The following RSU1 variants were observed in gnomAD, a reference collection of about 807,000 sequenced individuals.
The protein encoded by RSU1 is Ras suppressor protein 1.
Under a neutral mutation model 31.1 loss-of-function variants are expected in RSU1, and 26 were observed. The ratio of observed to expected loss-of-function variants is 0.84; its 90% CI spans 0.61 to 1.16. The LOEUF (loss-of-function observed/expected upper bound fraction) is 1.16, where lower values mean the gene tolerates loss of function less well. Among genes scored for constraint, RSU1 ranks in the 50% most tolerant of loss-of-function variants. RSU1 has a pLI of 0.00. For synonymous variants in RSU1, 164 were observed against 136.3 expected (o/e 1.20, Z -1.41); for missense variants, 320 against 339.1 (o/e 0.94, Z 0.44).
rs993246255 is a variant in RSU1, at chr10:16,779,200, T to A, written c.160+2834A>T. Among the ~76,000 whole-genome samples, 3 of 152,222 alleles carry A rather than the reference T, an allele frequency of 2.0e-5. No homozygotes were observed. The East Asian group carries it at 5.8e-4, about 29-fold the overall frequency. On this transcript the variant is annotated intron_variant, in intron 3 of 8. Coordinates refer to ENST00000345264, the MANE Select transcript of RSU1 (RefSeq NM_012425.4). ...GCTGCCCCAAGCTCCCAGGTTTAAA[T>A]TCAAATAGGGGCACCATAATAGTCT...
intron 8 of RSU1, among the ~76,000 whole-genome samples, chr10:16,654,538 C>T (rs1346288661): frequency 1.3e-5 from 2 of 151,320 alleles, no homozygotes; most frequent in African/African-American, 2.4e-5. Flanking sequence ...GGCATGGTGG[C>T]GTGTGCCTGT....
intron 3 of RSU1, among the ~76,000 whole-genome samples, chr10:16,776,104 A>G (rs1489017432): frequency 2.0e-5 from 3 of 152,242 alleles, no homozygotes; most frequent in Non-Finnish European, 4.4e-5. Context: ...AAGGTCTGAG[A>G]AGAGTGGTGA....
At chr10:16,769,092 G>C (rs1284978186) in intron 3 of RSU1, among the ~76,000 whole-genome samples, 1 of 152,138 alleles carries the variant, frequency 6.6e-6, no homozygotes, top group African/African-American at 2.4e-5. Flanking sequence ...TCCCCCAACT[G>C]GTCAGCAGCC....
intron 7 of RSU1, among the ~76,000 whole-genome samples, chr10:16,714,821 T>C (rs966812011): frequency 2.0e-5 from 3 of 151,954 alleles, no homozygotes; most frequent in African/African-American, 7.3e-5. Flanking sequence ...TGGGACAGAG[T>C]TGAAGCTGCT....
At chr10:16,768,452 A>G (rs1837361248) in intron 3 of RSU1, among the ~76,000 whole-genome samples, 1 of 152,158 alleles carries the variant, frequency 6.6e-6, no homozygotes, top group Non-Finnish European at 1.5e-5. Context: ...TGGCTGCTTT[A>G]ATTTTGAGAC....
At chr10:16,784,748 T>A (rs772149522) in intron 2 of RSU1, among the ~76,000 whole-genome samples, 1 of 152,012 alleles carries the variant, frequency 6.6e-6, no homozygotes, top group Non-Finnish European at 1.5e-5. Context: ...AACCATTCGA[T>A]CTCGTGAGAC....
chr10:16,665,189 C>G (rs1292386532), intron 8 of RSU1, among the ~76,000 whole-genome samples: 1 of 152,172 alleles, frequency 6.6e-6, no homozygotes, highest in Non-Finnish European at 1.5e-5. Flanking sequence ...GGTGATCCCA[C>G]CTGCCTCAGC....
intron 7 of RSU1, among the ~76,000 whole-genome samples, chr10:16,733,397 A>C (rs537919239): frequency 6.6e-6 from 1 of 151,178 alleles, no homozygotes; most frequent in Non-Finnish European, 1.5e-5. Context: ...AATCCCAGCT[A>C]CTCAAGAGGC....
chr10:16,633,853 C>T (rs1424222556), intron 8 of RSU1, among the ~76,000 whole-genome samples: 2 of 152,170 alleles, frequency 1.3e-5, no homozygotes, highest in African/African-American at 2.4e-5. Flanking sequence ...GATCTCACAA[C>T]CCCTGGACCC....
chr10:16,663,271 A>G lies in RSU1; in HGVS notation c.731+31752T>C, dbSNP rs571447441. Among the ~76,000 whole-genome samples the G allele has an allele frequency of 2.7e-4, 41 of 152,294 alleles. No homozygotes were observed. In the South Asian group the frequency reaches 8.3e-3, roughly 31 times the overall value. On this transcript the variant is annotated intron_variant, in intron 8 of 8. Transcript: ENST00000345264. ...TACGTGCTCCTGTACACCAGGAGGAAGAAGCATGTGTGATGCTCTGTCTGG... is the reference window on the plus strand; with the variant it reads ...TACGTGCTCCTGTACACCAGGAGGAGGAAGCATGTGTGATGCTCTGTCTGG...
At chr10:16,599,102 G>A (rs376234465) in intron 8 of RSU1, among the ~76,000 whole-genome samples, 4 of 152,300 alleles carry the variant, frequency 2.6e-5, no homozygotes, top group East Asian at 1.9e-4. Flanking sequence ...CGTGGCTTGT[G>A]TTTTGCATGT....
Position 16,816,217 on chromosome 10 carries a change from T to C in RSU1, c.109+756A>G, listed in dbSNP as rs77949599. Among the ~76,000 whole-genome samples, 76 of 152,334 alleles carry C rather than the reference T, an allele frequency of 5.0e-4. 1 individual carries two copies. In the East Asian group the frequency reaches 0.013, roughly 25 times the overall value. ...TCCTTTAAGAAAATAATCTGGCACA[T>C]TGGGCCAACATTCCTATGGTGACAT... On this transcript the variant is annotated intron_variant, in intron 2 of 8. Transcript: ENST00000345264.
intron 8 of RSU1, among the ~76,000 whole-genome samples, chr10:16,687,146 G>A (rs1250240133): frequency 6.6e-6 from 1 of 152,130 alleles, no homozygotes; most frequent in Non-Finnish European, 1.5e-5. Flanking sequence ...ATATCACAGT[G>A]AAAAACACTC....
intron 8 of RSU1, among the ~76,000 whole-genome samples, chr10:16,691,150 G>A (rs558399027): frequency 2.6e-5 from 4 of 152,154 alleles, no homozygotes; most frequent in South Asian, 2.1e-4. Flanking sequence ...CATGTAAAAC[G>A]TTTTTAAAAA....
At chr10:16,647,832 C>G (rs1038813298) in intron 8 of RSU1, among the ~76,000 whole-genome samples, 1 of 152,054 alleles carries the variant, frequency 6.6e-6, no homozygotes, top group Non-Finnish European at 1.5e-5. Flanking sequence ...TGAATTTTAT[C>G]TCAATAAAGC....
intron 8 of RSU1, among the ~76,000 whole-genome samples, chr10:16,597,621 C>CTT (rs888022906): frequency 1.1e-4 from 17 of 152,272 alleles, no homozygotes; most frequent in Admixed American, 3.3e-4. Flanking sequence ...TCAGCGAATG[C>CTT]TTATTGAAAA....
At chr10:16,809,147 T>C (rs1175675006) in intron 2 of RSU1, among the ~76,000 whole-genome samples, 1 of 152,222 alleles carries the variant, frequency 6.6e-6, no homozygotes, top group Admixed American at 6.5e-5. Flanking sequence ...ACCTCAAACC[T>C]GAAATACTGT....
intron 8 of RSU1, among the ~76,000 whole-genome samples, chr10:16,631,107 A>C (rs45622333): frequency 0.014 from 2,062 of 152,306 alleles, 33 homozygotes; most frequent in Non-Finnish European, 0.021. Flanking sequence ...CAGGGTCCCT[A>C]AGGTTCCAAT....
intron 8 of RSU1, among the ~76,000 whole-genome samples, chr10:16,595,349 T>C (rs1471450292): frequency 1.3e-5 from 2 of 152,216 alleles, no homozygotes; most frequent in African/African-American, 4.8e-5. Context: ...CATACTGTAT[T>C]CTAACTATTC....
Sources: gnomAD v4.1 joint callset for allele counts (sites outside exome capture counted in the v4.1 genomes callset) on GRCh38, gnomAD v4.1.1 for gene constraint, MANE v1.5 for transcripts, NCBI Gene and HGNC (gene_info 2026-07-23, HGNC 2026-07-21) for gene names.